Variants in COL25A1 observed in about 807,000 individuals in gnomAD.
COL25A1 encodes collagen type XXV alpha 1 chain, also known as collagen alpha-1(XXV) chain.
In COL25A1, 103 loss-of-function variants were observed where a neutral mutation model predicts 128.4. That is an observed-to-expected ratio of 0.80 (90% CI 0.68 to 0.94). The LOEUF is 0.94. Among genes scored for constraint, COL25A1 ranks in the 40% least tolerant of loss-of-function variants. COL25A1 has a pLI of 0.00. For missense variants in COL25A1, 745 were observed against 840.0 expected, an observed-to-expected ratio of 0.89 and a Z score of 1.40; for synonymous variants, 279 against 277.2, an observed-to-expected ratio of 1.01 and a Z score of -0.06.
chr4:109,286,867 A>C (rs1435696398), intron 3 of COL25A1, among the ~76,000 whole-genome samples: 2 of 152,208 alleles, frequency 1.3e-5, no homozygotes, highest in Non-Finnish European at 2.9e-5. Context: ...TCGCTAGAAA[A>C]CATGACCACA....
intron 19 of COL25A1, among the ~76,000 whole-genome samples, chr4:108,879,540 C>A (rs1326329410): frequency 6.6e-6 from 1 of 152,112 alleles, no homozygotes; most frequent in Non-Finnish European, 1.5e-5. Flanking sequence ...CTCCACCTCC[C>A]AGGTTCAAGT....
chr4:109,052,010 G>T (rs1761046495), intron 3 of COL25A1, among the ~76,000 whole-genome samples: 1 of 152,126 alleles, frequency 6.6e-6, no homozygotes, highest in Non-Finnish European at 1.5e-5. Flanking sequence ...CAACAATGGT[G>T]CCAGAAAGGC....
At chr4:109,232,554 T>G (rs1779228975) in intron 3 of COL25A1, among the ~76,000 whole-genome samples, 1 of 152,176 alleles carries the variant, frequency 6.6e-6, no homozygotes, top group Admixed American at 6.6e-5. Context: ...TGATCAAGAA[T>G]GTTAGCCAAT....
chr4:109,009,485 G>A (rs1756369738), intron 6 of COL25A1, among the ~76,000 whole-genome samples: 12 of 152,176 alleles, frequency 7.9e-5, no homozygotes, highest in Admixed American at 6.5e-4. Flanking sequence ...GATCTGGTAT[G>A]AGGTGGAGTA....
At chr4:108,840,152 G>A (rs949094339) in intron 31 of COL25A1, among the ~76,000 whole-genome samples, 2 of 146,598 alleles carry the variant, frequency 1.4e-5, no homozygotes, top group African/African-American at 5.0e-5. Context: ...TGAGGCGGAA[G>A]AATCACTTGA....
intron 5 of COL25A1, among the ~76,000 whole-genome samples, chr4:109,014,371 T>C (rs997190002): frequency 1.3e-5 from 2 of 152,130 alleles, no homozygotes; most frequent in Non-Finnish European, 2.9e-5. Context: ...CTCTTATATG[T>C]GTTATGTGAA....
At chr4:109,145,356 C>T (rs1187740453) in intron 3 of COL25A1, among the ~76,000 whole-genome samples, 1 of 152,094 alleles carries the variant, frequency 6.6e-6, no homozygotes, top group African/African-American at 2.4e-5. Context: ...CATGAGCCAC[C>T]GTGCCCGGCC....
At chr4:109,194,423 A>G (rs907646613) in intron 3 of COL25A1, among the ~76,000 whole-genome samples, 3 of 152,210 alleles carry the variant, frequency 2.0e-5, no homozygotes, top group South Asian at 4.1e-4. Context: ...GCCTAGTGTT[A>G]GATAAAATTC....
intron 3 of COL25A1, among the ~76,000 whole-genome samples, chr4:109,098,489 A>G (rs1396010329): frequency 6.6e-6 from 1 of 152,230 alleles, no homozygotes; most frequent in African/African-American, 2.4e-5. Flanking sequence ...GAGAGTAAAT[A>G]TCTGCCTGTG....
In COL25A1 at chr4:108,918,389, C is replaced by T. The variant is rs557684805; in HGVS notation, c.736-173G>A. 3.3e-5 allele frequency among the ~76,000 whole-genome samples: 5 copies of T among 152,286 alleles called. No homozygotes were observed. The East Asian group carries it at 9.6e-4, about 29-fold the overall frequency. On this transcript the variant is annotated intron_variant, in intron 12 of 37. Coordinates refer to ENST00000399132, the MANE Select transcript of COL25A1 (RefSeq NM_198721.4). Reference sequence around the variant, plus strand: ...ATGTAAGCAGATTCCTCAAGCTTCCCCAGAAACTACAGAGTTAAAATTAAA... The same window carrying T: ...ATGTAAGCAGATTCCTCAAGCTTCCTCAGAAACTACAGAGTTAAAATTAAA...
At chr4:109,163,909 T>C (rs1426122099) in intron 3 of COL25A1, among the ~76,000 whole-genome samples, 1 of 152,200 alleles carries the variant, frequency 6.6e-6, no homozygotes, top group African/African-American at 2.4e-5. Context: ...TTGGTCTATG[T>C]TGATGATCAC....
At chr4:108,825,248 T>A (rs1332508840) in intron 33 of COL25A1, 26 bp from the exon 34 acceptor site, 1 of 1,605,702 alleles carries the variant, frequency 6.2e-7, no homozygotes, top group Non-Finnish European at 8.5e-7. Context: ...AGTAGCTACA[T>A]TAGTGTTTCT....
intron 3 of COL25A1, among the ~76,000 whole-genome samples, chr4:109,218,366 T>G (rs967236054): frequency 7.5e-5 from 10 of 134,034 alleles, no homozygotes; most frequent in African/African-American, 2.4e-4. Flanking sequence ...GGTTTTTTTT[T>G]TTTTTTTTTT....
At chr4:109,252,249 G>C (rs1329463860) in intron 3 of COL25A1, among the ~76,000 whole-genome samples, 1 of 152,212 alleles carries the variant, frequency 6.6e-6, no homozygotes, top group African/African-American at 2.4e-5. Context: ...CCTGCCACCA[G>C]GTAGCTGGCT....
At chr4:108,947,011 G>A (rs541596183) in intron 8 of COL25A1, among the ~76,000 whole-genome samples, 185 of 152,254 alleles carry the variant, frequency 1.2e-3, no homozygotes, top group African/African-American at 3.8e-3. Context: ...GACAATGGAA[G>A]GATAGTAGAG....
chr4:108,875,295 T>G (rs1410129521), intron 19 of COL25A1, among the ~76,000 whole-genome samples: 1 of 151,884 alleles, frequency 6.6e-6, no homozygotes, highest in African/African-American at 2.4e-5. Context: ...TGGGAGAAAA[T>G]TTTTGCAATC....
chr4:109,124,064 T>C (rs1768362080), intron 3 of COL25A1, among the ~76,000 whole-genome samples: 1 of 152,138 alleles, frequency 6.6e-6, no homozygotes, highest in African/African-American at 2.4e-5. Flanking sequence ...AATGTAAAAC[T>C]AGAAATACAT....
chr4:108,839,916 A>G (rs972890100), intron 31 of COL25A1, among the ~76,000 whole-genome samples: 5 of 152,092 alleles, frequency 3.3e-5, no homozygotes, highest in African/African-American at 1.2e-4. Flanking sequence ...CTTAGTCATT[A>G]TGACCAGGCT....
intron 14 of COL25A1, among the ~76,000 whole-genome samples, 183 bp downstream of exon 14, chr4:108,900,936 G>A (rs1486537373): frequency 6.6e-6 from 1 of 152,084 alleles, no homozygotes; most frequent in Non-Finnish European, 1.5e-5. Flanking sequence ...TAATACTAAT[G>A]AGAATCACAA....
Sources: allele counts gnomAD v4.1 joint callset (sites outside exome capture counted in the v4.1 genomes callset), GRCh38; gene constraint gnomAD v4.1.1; transcripts MANE v1.5; gene names NCBI Gene and HGNC (gene_info 2026-07-23, HGNC 2026-07-21).